The following SHISA9 variants were observed in gnomAD, a reference collection of about 807,000 sequenced individuals.
The protein encoded by SHISA9 is protein shisa-9.
Under a neutral mutation model 38.0 loss-of-function variants are expected in SHISA9, and 13 were observed. The ratio of observed to expected loss-of-function variants is 0.34; its 90% CI spans 0.22 to 0.54. The LOEUF (loss-of-function observed/expected upper bound fraction) is 0.54, where lower values mean the gene tolerates loss of function less well. SHISA9 is among the 20% of genes least tolerant of loss of function. The pLI, the probability that SHISA9 is intolerant of heterozygous loss-of-function variation, is 0.91. For missense variants in SHISA9, 538 were observed against 575.8 expected (o/e 0.93, Z 0.67); for synonymous variants, 275 against 242.0 (o/e 1.14, Z -1.27).
At chr16:13,360,318 C>G in the SHISA9 span, among the ~76,000 whole-genome samples, 2 of 152,208 alleles carry the variant, frequency 1.3e-5, no homozygotes, top group African/African-American at 2.4e-5. Context: ...ACTTTCCTGT[C>G]TCAGGGCTTG....
At chr16:13,099,741 G>C (rs1180173878) in intron 2 of SHISA9, among the ~76,000 whole-genome samples, 2 of 152,200 alleles carry the variant, frequency 1.3e-5, no homozygotes, top group Non-Finnish European at 2.9e-5. Flanking sequence ...TCAGCCAGTT[G>C]TCTCAGACCT....
At chr16:13,383,646 A>ATATT in the SHISA9 span, among the ~76,000 whole-genome samples, 22 of 152,016 alleles carry the variant, frequency 1.4e-4, no homozygotes, top group African/African-American at 3.4e-4. Flanking sequence ...CACCAACCTA[A>ATATT]TATTTATTTA....
chr16:13,196,832 G>A (rs1031716958), intron 2 of SHISA9, among the ~76,000 whole-genome samples: 1 of 152,168 alleles, frequency 6.6e-6, no homozygotes, highest in African/African-American at 2.4e-5. Flanking sequence ...GGTGGCTTAC[G>A]CCTGTAATCC....
the SHISA9 span, among the ~76,000 whole-genome samples, chr16:13,335,442 G>C: frequency 1.3e-5 from 2 of 152,028 alleles, no homozygotes; most frequent in African/African-American, 4.8e-5. Context: ...CCCTTTAAAG[G>C]TGACTATAGT....
intron 2 of SHISA9, among the ~76,000 whole-genome samples, chr16:12,998,777 A>G (rs553696318): frequency 6.6e-6 from 1 of 152,346 alleles, no homozygotes; most frequent in East Asian, 1.9e-4. Context: ...ATTTTTAAGT[A>G]GTTGGATTCA....
intron 2 of SHISA9, among the ~76,000 whole-genome samples, chr16:13,025,826 A>T (rs548906627): frequency 2.0e-5 from 3 of 150,814 alleles, no homozygotes; most frequent in African/African-American, 7.3e-5. Context: ...TTTGGGGGGG[A>T]TGGAGTTTTC....
intron 2 of SHISA9, among the ~76,000 whole-genome samples, chr16:13,012,143 T>G (rs1286554681): frequency 6.6e-6 from 1 of 152,158 alleles, no homozygotes; most frequent in Non-Finnish European, 1.5e-5. Flanking sequence ...TTTTCTTATT[T>G]TTTAAGGTTC....
intron 2 of SHISA9, among the ~76,000 whole-genome samples, chr16:12,959,505 A>T (rs1452205052): frequency 6.6e-6 from 1 of 152,208 alleles, no homozygotes. Flanking sequence ...CGAGGAAAAG[A>T]AAAAACTCAG....
intron 2 of SHISA9, among the ~76,000 whole-genome samples, chr16:13,167,039 TTACTC>T (rs1006405011): frequency 7.3e-5 from 11 of 150,214 alleles, no homozygotes; most frequent in African/African-American, 1.7e-4. Flanking sequence ...TATTCTTACT[TTACTC>T]TACTTCTTCT....
chr16:13,087,618 C>T (rs1454831850), intron 2 of SHISA9, among the ~76,000 whole-genome samples: 3 of 152,148 alleles, frequency 2.0e-5, no homozygotes, highest in Non-Finnish European at 2.9e-5. Flanking sequence ...GCTGCATAGA[C>T]GTCTTCTTTT....
chr16:13,480,728 G>A, the SHISA9 span, among the ~76,000 whole-genome samples: 1 of 151,572 alleles, frequency 6.6e-6, no homozygotes, highest in African/African-American at 2.4e-5. Context: ...CCAGAGATAA[G>A]GGGCTGAGAA....
At chr16:13,486,479 C>A in the SHISA9 span, among the ~76,000 whole-genome samples, 1 of 152,190 alleles carries the variant, frequency 6.6e-6, no homozygotes. Context: ...AGACTGACAT[C>A]TATCAACTTG....
intron 2 of SHISA9, among the ~76,000 whole-genome samples, chr16:13,150,214 C>T (rs1028363695): frequency 2.0e-5 from 3 of 151,926 alleles, no homozygotes; most frequent in South Asian, 2.1e-4. Context: ...GCGTTTGTTC[C>T]ACCTCTTTGT....
intron 2 of SHISA9, among the ~76,000 whole-genome samples, chr16:12,975,662 G>GGGGGGGC (rs1555451392): frequency 7.0e-6 from 1 of 142,248 alleles, no homozygotes; most frequent in African/African-American, 2.7e-5. Flanking sequence ...GGGGCGGGGG[G>GGGGGGGC]GGTAAGGGCA....
At chr16:13,411,627 G>C in the SHISA9 span, among the ~76,000 whole-genome samples, 1 of 152,214 alleles carries the variant, frequency 6.6e-6, no homozygotes, top group Non-Finnish European at 1.5e-5. Context: ...CATCGGCAAG[G>C]ATGCCTTGGC....
At chr16:12,975,937 T>A (rs1166513528) in intron 2 of SHISA9, among the ~76,000 whole-genome samples, 1 of 152,102 alleles carries the variant, frequency 6.6e-6, no homozygotes, top group Non-Finnish European at 1.5e-5. Context: ...AAATTTTAAT[T>A]CATCAGCAAA....
At chr16:13,056,179 C>G (rs890562398) in intron 2 of SHISA9, among the ~76,000 whole-genome samples, 3 of 152,180 alleles carry the variant, frequency 2.0e-5, no homozygotes, top group African/African-American at 7.2e-5. Context: ...ATGGGCTCAA[C>G]TCTGAACACT....
the SHISA9 span, among the ~76,000 whole-genome samples, chr16:13,325,104 A>T: frequency 6.6e-6 from 1 of 152,334 alleles, no homozygotes; most frequent in East Asian, 1.9e-4. Context: ...CCTTATCAGT[A>T]CTTAAAATGT....
intron 2 of SHISA9, among the ~76,000 whole-genome samples, chr16:13,177,834 T>G (rs562076708): frequency 6.6e-6 from 1 of 152,282 alleles, no homozygotes; most frequent in South Asian, 2.1e-4. Flanking sequence ...CATACCTGGC[T>G]AATTTTTGTA....
Sources: gnomAD v4.1 joint callset for allele counts (sites outside exome capture counted in the v4.1 genomes callset) on GRCh38, gnomAD v4.1.1 for gene constraint, MANE v1.5 for transcripts, NCBI Gene and HGNC (gene_info 2026-07-23, HGNC 2026-07-21) for gene names.